Variants in FNBP4 observed in about 807,000 individuals in gnomAD.
FNBP4 encodes the protein formin-binding protein 4.
In FNBP4, 34 loss-of-function variants were observed where a neutral mutation model predicts 119.3. The observed-to-expected ratio is 0.28, with a 90% CI of 0.22 to 0.38. The LOEUF (loss-of-function observed/expected upper bound fraction) is 0.38. Among genes scored for constraint, FNBP4 ranks in the 10% least tolerant of loss-of-function variants. The probability of loss-of-function intolerance (pLI) is 1.00; values close to 1 mark genes in which losing one functional copy is unlikely to be tolerated. For missense variants in FNBP4, 1,112 were observed against 1,228.9 expected (o/e 0.90, Z 1.42); for synonymous variants, 462 against 430.6 (o/e 1.07, Z -0.90).
In FNBP4 at chr11:47,736,677, T is replaced by C; in HGVS notation, c.1520A>G (p.Glu507Gly). 1 of 1,604,682 alleles carries C rather than the reference T, an allele frequency of 6.2e-7. No homozygotes were observed. Among genetic ancestry groups the C allele is most frequent in the Non-Finnish European group, 8.5e-7 (1 of 1,172,316 alleles). The change falls in exon 9 of 17, where the codon GAA (glutamate) becomes GGA (glycine). Residue 507 changes from glutamate to glycine, a missense_variant. Glu to Gly is a moderately conservative substitution (Grantham distance 98). Transcript: ENST00000263773. Reference protein sequence around the residue: ...ENSDKEMEVEESPEKIKVQTT... With the variant: ...ENSDKEMEVEGSPEKIKVQTT... ...CTGTACTTTTATTTTCTCTGGAGAT[T>C]CTTCTACTTCCATCTCTTTATCTGA... is the stretch of plus-strand genomic sequence containing the variant.
At chr11:47,750,387 A>AAG (rs1279559729) in intron 6 of FNBP4, among the ~76,000 whole-genome samples, 3 of 142,274 alleles carry the variant, frequency 2.1e-5, no homozygotes, top group Non-Finnish European at 4.6e-5. Flanking sequence ...ATATCAAAAA[A>AAG]AAAAAAAAAA....
chr11:47,744,494 G>A (rs1377792187), intron 7 of FNBP4, among the ~76,000 whole-genome samples: 4 of 151,942 alleles, frequency 2.6e-5, no homozygotes, highest in African/African-American at 9.7e-5. Flanking sequence ...CAACTTCTGG[G>A]CTCAAGTGAT....
intron 8 of FNBP4, among the ~76,000 whole-genome samples, chr11:47,739,605 A>T (rs903577343): frequency 1.3e-5 from 2 of 152,224 alleles, no homozygotes; most frequent in South Asian, 4.1e-4. Context: ...TTATTGTGAA[A>T]CAGGTTAACA....
intron 8 of FNBP4, among the ~76,000 whole-genome samples, chr11:47,741,565 C>T (rs1599206811): frequency 6.6e-6 from 1 of 151,844 alleles, no homozygotes; most frequent in Admixed American, 6.5e-5. Context: ...CGCCTGTAAT[C>T]CCAGCACTTT....
intron 6 of FNBP4, 57 bp from the exon 7 acceptor site, chr11:47,746,451 C>G: frequency 7.3e-7 from 1 of 1,373,936 alleles, no homozygotes; most frequent in South Asian, 1.4e-5. Flanking sequence ...CTCACCTGCA[C>G]ATACATTCAA....
intron 15 of FNBP4, among the ~76,000 whole-genome samples, chr11:47,720,323 CT>C (rs1554974830): frequency 6.6e-6 from 1 of 152,106 alleles, no homozygotes; most frequent in Non-Finnish European, 1.5e-5. Flanking sequence ...AATCCCAGCA[CT>C]TTGGGAGGCT....
Position 47,751,304 on chromosome 11 carries a change from C to A in FNBP4, c.638-14G>T, listed in dbSNP as rs573088152. The A allele has an allele frequency of 3.1e-6, 5 of 1,613,644 alleles. No individual in the cohort carries two copies. In the South Asian group the frequency reaches 5.5e-5, roughly 18 times the overall value. On this transcript the variant is annotated splice_polypyrimidine_tract_variant and intron_variant, in intron 4 of 16. Transcript: ENST00000263773. ...TCTCAATTCCGACTAGAAGATAAAACAAATTTTAAGCACAAATCCCTCTAC... is the reference window on the plus strand; with the variant it reads ...TCTCAATTCCGACTAGAAGATAAAAAAAATTTTAAGCACAAATCCCTCTAC...
At chr11:47,734,717 G>T (rs1309685151) in intron 9 of FNBP4, among the ~76,000 whole-genome samples, 1 of 152,110 alleles carries the variant, frequency 6.6e-6, no homozygotes, top group African/African-American at 2.4e-5. Flanking sequence ...GCTCACACCT[G>T]TAATCCCAGC....
chr11:47,723,665 A>G (rs934491311), intron 14 of FNBP4, among the ~76,000 whole-genome samples: 3 of 152,132 alleles, frequency 2.0e-5, no homozygotes, highest in Non-Finnish European at 4.4e-5. Flanking sequence ...CCAGGGCTCA[A>G]GTGATCCTCC....
chr11:47,744,264 G>C, intron 7 of FNBP4, 101 bp from the exon 8 acceptor site: 2 of 1,174,346 alleles, frequency 1.7e-6, no homozygotes, highest in South Asian at 1.5e-5. Context: ...TAAATTCTTT[G>C]AGAACAGAAA....
chr11:47,720,129 A>G (rs1185843545), intron 15 of FNBP4, 43 bp from the exon 16 acceptor site: 2 of 1,567,428 alleles, frequency 1.3e-6, no homozygotes, highest in Admixed American at 1.9e-5. Context: ...AAAACATAAA[A>G]TAAGGATAAG....
In FNBP4 at chr11:47,717,290, TAC is replaced by T. The variant is rs1342536753; in HGVS notation, c.*130_*131del. ...CACAAAAGTGAAAACTTTGTATGCA[TAC>T]ACTCTTGCCCAGGAAATTTATAAGA... On this transcript the variant is annotated 3_prime_UTR_variant, in exon 17 of 17. Coordinates refer to ENST00000263773, the MANE Select transcript of FNBP4 (RefSeq NM_015308.5). The T allele has an allele frequency of 1.6e-6, 1 of 639,076 alleles. No individual in the cohort carries two copies. Among genetic ancestry groups the T allele is most frequent in the African/African-American group, 1.8e-5 (1 of 54,384 alleles). 39.6% of individuals were successfully genotyped at this position (639,076 alleles called of 1,614,324 possible).
chr11:47,760,745 C>T (rs905419126), intron 2 of FNBP4, among the ~76,000 whole-genome samples: 1 of 151,936 alleles, frequency 6.6e-6, no homozygotes, highest in Non-Finnish European at 1.5e-5. Context: ...TTTCTATTTT[C>T]GTAGAGACAG....
At chr11:47,721,069 G>T (rs148260030) in intron 15 of FNBP4, among the ~76,000 whole-genome samples, 284 of 152,090 alleles carry the variant, frequency 1.9e-3, no homozygotes, top group Middle Eastern at 0.014. Flanking sequence ...GCTCATGCCT[G>T]TAATCACTTT....
intron 2 of FNBP4, among the ~76,000 whole-genome samples, chr11:47,760,874 T>G (rs2097632789): frequency 6.6e-6 from 1 of 152,182 alleles, no homozygotes; most frequent in Non-Finnish European, 1.5e-5. Flanking sequence ...CCATATATCT[T>G]AAGTGAAATT....
chr11:47,721,893 T>C (rs1421275270), intron 15 of FNBP4, among the ~76,000 whole-genome samples: 1 of 141,662 alleles, frequency 7.1e-6, no homozygotes, highest in Non-Finnish European at 1.5e-5. Flanking sequence ...TTTAAATAGA[T>C]GCAGCATTCC....
At chr11:47,720,622 C>T (rs1450377655) in intron 15 of FNBP4, among the ~76,000 whole-genome samples, 3 of 151,322 alleles carry the variant, frequency 2.0e-5, no homozygotes, top group South Asian at 2.1e-4. Flanking sequence ...TTTGTAAATG[C>T]GGTATTTTAT....
chr11:47,720,688 T>C (rs57175250), intron 15 of FNBP4, among the ~76,000 whole-genome samples: 2,521 of 151,782 alleles, frequency 0.017, 41 homozygotes, highest in African/African-American at 0.046. Context: ...ATTCAAAATA[T>C]TGCCTTTATC....
rs1404381695 is a variant in FNBP4, at chr11:47,766,990, G to A, written c.220+79C>T. 3.5e-6 allele frequency: 5 copies of A among 1,437,386 alleles called. No homozygotes were observed. In the South Asian group the frequency reaches 5.6e-5, roughly 16 times the overall value. The allele number at this position is 1,437,386 out of a possible 1,614,324, so 89.0% of individuals were successfully genotyped here. On this transcript the variant is annotated intron_variant, in intron 1 of 16. Coordinates refer to ENST00000263773, the MANE Select transcript of FNBP4 (RefSeq NM_015308.5). ...GAAGCCGACCTCGCCCGCCTCCCTCGCCGGGTCTGGCCAGGCGCCGTGAGG... is the reference window on the plus strand; with the variant it reads ...GAAGCCGACCTCGCCCGCCTCCCTCACCGGGTCTGGCCAGGCGCCGTGAGG...
Sources: allele counts gnomAD v4.1 joint callset (sites outside exome capture counted in the v4.1 genomes callset), GRCh38; gene constraint gnomAD v4.1.1; transcripts MANE v1.5; gene names NCBI Gene and HGNC (gene_info 2026-07-23, HGNC 2026-07-21).